The following PARP16 variants were observed in gnomAD, a reference collection of about 807,000 sequenced individuals.
The protein encoded by PARP16 is poly(ADP-ribose) polymerase family member 16, also known as protein mono-ADP-ribosyltransferase PARP16.
In PARP16, 31 loss-of-function variants were observed where a neutral mutation model predicts 35.0. The ratio of observed to expected loss-of-function variants is 0.88; its 90% CI spans 0.66 to 1.19. The LOEUF (loss-of-function observed/expected upper bound fraction) is 1.19, where lower values mean the gene tolerates loss of function less well. PARP16 is among the 50% of genes most tolerant of loss of function. The pLI is 0.00. For missense variants in PARP16, 424 were observed against 411.2 expected, an observed-to-expected ratio of 1.03 and a Z score of -0.27; for synonymous variants, 162 against 169.5, an observed-to-expected ratio of 0.96 and a Z score of 0.34.
downstream of PARP16, among the ~76,000 whole-genome samples, chr15:65,253,148 C>A (rs56154148): frequency 4.9e-3 from 667 of 135,608 alleles, 2 homozygotes; most frequent in Non-Finnish European, 7.7e-3. Context: ...AAAAAAAAAA[C>A]AAAACAAACA....
chr15:65,264,083 A>G (rs746122001), intron 3 of PARP16, among the ~76,000 whole-genome samples: 4 of 152,230 alleles, frequency 2.6e-5, no homozygotes, highest in Non-Finnish European at 5.9e-5. Flanking sequence ...ATGCGGGGCA[A>G]GGTACGTTTT....
At chr15:65,272,190 C>T (rs1270153363) in intron 1 of PARP16, among the ~76,000 whole-genome samples, 1 of 152,220 alleles carries the variant, frequency 6.6e-6, no homozygotes, top group Non-Finnish European at 1.5e-5. Flanking sequence ...TCCACAGAAA[C>T]ACAGTGCCTA....
At chr15:65,266,294 C>T (rs932634917) in intron 3 of PARP16, among the ~76,000 whole-genome samples, 2 of 152,178 alleles carry the variant, frequency 1.3e-5, no homozygotes, top group Non-Finnish European at 2.9e-5. Context: ...GCTTTTCAAA[C>T]TATAACCAGT....
chr15:65,242,111 CAT>C (rs1356017007), intron 3 of PARP16, among the ~76,000 whole-genome samples: 1 of 152,180 alleles, frequency 6.6e-6, no homozygotes, highest in African/African-American at 2.4e-5. Context: ...GTTCTAGCAC[CAT>C]TTGTTGAAAA....
chr15:65,261,241 A>C (rs2089702047), intron 4 of PARP16, among the ~76,000 whole-genome samples: 1 of 151,796 alleles, frequency 6.6e-6, no homozygotes, highest in Non-Finnish European at 1.5e-5. Flanking sequence ...AATATAAGGG[A>C]TACAAGGAAG....
chr15:65,266,634 A>G lies in PARP16; in HGVS notation c.447T>C (p.Tyr149=). The G allele has an allele frequency of 6.2e-7, 1 of 1,614,136 alleles. No individual in the cohort carries two copies. The highest frequency in any genetic ancestry group is 8.5e-7 in the Non-Finnish European group (1 of 1,180,020). ...TTTCTAGGCGGCTACCATGAAATGC[A>G]TAGATTAGGTCTCGTTCTCCTTTGG... The part of the protein sequence containing the change: ...YETKGERDLI[Y]AFHGSRLENF... Residue 149 remains tyrosine (Y), a synonymous_variant, in exon 3 of 6, where the codon TAT becomes TAC. Transcript: ENST00000649807.
chr15:65,272,372 A>G (rs2090122924), intron 1 of PARP16, among the ~76,000 whole-genome samples: 1 of 152,236 alleles, frequency 6.6e-6, no homozygotes, highest in South Asian at 2.1e-4. Flanking sequence ...GATTTCTGAT[A>G]AGGGACTGGG....
At chr15:65,267,703 T>G (rs2089950949) in intron 2 of PARP16, among the ~76,000 whole-genome samples, 1 of 61,476 alleles carries the variant, frequency 1.6e-5, no homozygotes, top group African/African-American at 5.0e-5. Flanking sequence ...TTTTTTTTTT[T>G]TTTGAGACAG....
Position 65,259,551 on chromosome 15 carries a change from G to A in PARP16, c.834-9C>T. 1.9e-6 allele frequency: 3 copies of A among 1,612,644 alleles called. No individual in the cohort carries two copies. The highest frequency in any genetic ancestry group is 2.5e-6 in the Non-Finnish European group (3 of 1,179,476). Reference sequence around the variant, plus strand: ...AGAGCTGGCTCGAAGCCCTGCTTAAGAGGGAAAAAAGAGTGGTGTTGGCAA... The same window carrying A: ...AGAGCTGGCTCGAAGCCCTGCTTAAAAGGGAAAAAAGAGTGGTGTTGGCAA... On this transcript the variant is annotated splice_polypyrimidine_tract_variant and intron_variant, in intron 5 of 5. Coordinates refer to ENST00000649807, the MANE Select transcript of PARP16 (RefSeq NM_001316943.2).
intron 2 of PARP16, among the ~76,000 whole-genome samples, chr15:65,249,255 T>C (rs1268164874): frequency 2.0e-5 from 3 of 152,170 alleles, no homozygotes; most frequent in Non-Finnish European, 4.4e-5. Context: ...AAATGAGCCA[T>C]TTGAGTGTGA....
intron 2 of PARP16, among the ~76,000 whole-genome samples, chr15:65,270,298 T>TG (rs905476264): frequency 8.5e-5 from 13 of 152,124 alleles, no homozygotes; most frequent in South Asian, 2.1e-4. Flanking sequence ...GAAACTGTGC[T>TG]GGGGGGGTGA....
Position 65,263,360 on chromosome 15 carries a change from T to G in PARP16, c.520-40A>C, listed in dbSNP as rs750489848. ...CCAATGGAAAAGAAACACAGATGGTTGAATGTACAGTTGGCACGGCAAGAC... is the reference window on the plus strand; with the variant it reads ...CCAATGGAAAAGAAACACAGATGGTGGAATGTACAGTTGGCACGGCAAGAC... On this transcript the variant is annotated intron_variant, in intron 3 of 5. Transcript: ENST00000649807. The G allele has an allele frequency of 5.3e-6, 8 of 1,518,266 alleles. No individual in the cohort carries two copies. In the East Asian group the frequency reaches 1.6e-4, roughly 30 times the overall value. 94.0% of individuals were successfully genotyped at this position (1,518,266 alleles called of 1,614,324 possible).
chr15:65,266,213 C>G (rs929024911), intron 3 of PARP16, among the ~76,000 whole-genome samples: 3 of 152,178 alleles, frequency 2.0e-5, no homozygotes, highest in Admixed American at 1.3e-4. Flanking sequence ...GGCCTGGCAT[C>G]TGGGATTTTT....
rs772828504 is a variant in PARP16, at chr15:65,260,856, C to T, written c.833+29G>A. The T allele has an allele frequency of 1.2e-5, 20 of 1,606,926 alleles. No homozygotes were observed. In the South Asian group the frequency reaches 2.0e-4, roughly 16 times the overall value. Reference sequence around the variant, plus strand: ...ACTAAGAAAGCCAGCACTCTGAATACAGCCATTAGTTGTTCTCTTGGACCT... The same window carrying T: ...ACTAAGAAAGCCAGCACTCTGAATATAGCCATTAGTTGTTCTCTTGGACCT... On this transcript the variant is annotated intron_variant, in intron 5 of 5. Coordinates refer to ENST00000649807, the MANE Select transcript of PARP16 (RefSeq NM_001316943.2).
At chr15:65,244,205 G>A (rs926150402) in intron 3 of PARP16, among the ~76,000 whole-genome samples, 4 of 151,992 alleles carry the variant, frequency 2.6e-5, no homozygotes, top group African/African-American at 7.3e-5. Context: ...ATGGCCTGCT[G>A]GATACTATCT....
intron 1 of PARP16, among the ~76,000 whole-genome samples, chr15:65,284,837 A>ATTT (rs1567043075): frequency 2.1e-5 from 1 of 48,186 alleles, no homozygotes; most frequent in Admixed American, 3.1e-4. Context: ...TTTTTTTTTG[A>ATTT]GAGAGAGACT....
downstream of PARP16, among the ~76,000 whole-genome samples, chr15:65,233,338 C>G (rs2088804112): frequency 6.6e-6 from 1 of 151,780 alleles, no homozygotes; most frequent in Non-Finnish European, 1.5e-5. Flanking sequence ...GGAGGCGGAG[C>G]TTGCAGTGAG....
chr15:65,272,025 T>G (rs1173239856), intron 1 of PARP16, among the ~76,000 whole-genome samples: 2 of 152,226 alleles, frequency 1.3e-5, no homozygotes, highest in African/African-American at 4.8e-5. Context: ...GACATTCTCA[T>G]GAGTGAGACC....
At position 65,286,803 on chromosome 15, in the gene PARP16, G is replaced by T. The variant is rs2090615043; in HGVS notation, c.-377C>A. ...ACACGTGTCCTCCGCGGAGGCCTGG[G>T]GCGGGAAGCAGCCCCCGGGGGACGG... is the stretch of plus-strand genomic sequence containing the variant. On this transcript the variant is annotated 5_prime_UTR_variant, in exon 1 of 6. Coordinates refer to ENST00000649807, the MANE Select transcript of PARP16 (RefSeq NM_001316943.2). 1 of 199,066 alleles carries T rather than the reference G, an allele frequency of 5.0e-6. No homozygotes were observed. The highest frequency in any genetic ancestry group is 1.0e-5 in the Non-Finnish European group (1 of 98,972). The allele number at this position is 199,066 out of a possible 1,614,324, so 12.3% of individuals were successfully genotyped here. A position where few individuals can be genotyped will look rare whatever the true frequency, so the allele number is the denominator to read the frequency against.
Sources: allele counts gnomAD v4.1 joint callset (sites outside exome capture counted in the v4.1 genomes callset), GRCh38; gene constraint gnomAD v4.1.1; transcripts MANE v1.5; gene names NCBI Gene and HGNC (gene_info 2026-07-23, HGNC 2026-07-21).